Variants in TMEM38A observed in about 807,000 individuals in gnomAD.
TMEM38A encodes trimeric intracellular cation channel type A.
Under a neutral mutation model 28.6 loss-of-function variants are expected in TMEM38A, and 17 were observed. The ratio of observed to expected loss-of-function variants is 0.60; its 90% confidence interval spans 0.41 to 0.89. The LOEUF (loss-of-function observed/expected upper bound fraction) is 0.89, where lower values mean the gene tolerates loss of function less well. Ranked by LOEUF, TMEM38A falls within the 40% of genes least tolerant of loss-of-function variation. The pLI is 0.00. For synonymous variants in TMEM38A, 169 were observed against 166.1 expected, an observed-to-expected ratio of 1.02 and a Z score of -0.14; for missense variants, 328 against 393.1, an observed-to-expected ratio of 0.83 and a Z score of 1.40.
In TMEM38A at chr19:16,671,688, C is replaced by T. The variant is rs187099883; in HGVS notation, c.125-8296C>T. On this transcript the variant is annotated intron_variant, in intron 1 of 5. Transcript: ENST00000187762. Reference sequence around the variant, plus strand: ...CAAGTGATCTGCCTGCCTTGGCCTCCGAAAGTGCTGGGATTACGGGTGTGA... The same window carrying T: ...CAAGTGATCTGCCTGCCTTGGCCTCTGAAAGTGCTGGGATTACGGGTGTGA... Among the ~76,000 whole-genome samples, 38 of 152,270 alleles carry T rather than the reference C, an allele frequency of 2.5e-4. No individual in the cohort carries two copies. The South Asian group carries it at 5.6e-3, about 22-fold the overall frequency.
chr19:16,686,487 C>T, intron 5 of TMEM38A, 82 bp downstream of exon 5: 1 of 1,127,736 alleles, frequency 8.9e-7, no homozygotes, highest in Non-Finnish European at 1.3e-6. Context: ...GGAAATTGGA[C>T]ACTCCCAGCC....
rs746189021 is a variant in TMEM38A at position 16,672,446 on chromosome 19, A to ATT, written c.125-7519_125-7518dup. Among the ~76,000 whole-genome samples, 649 of 104,964 alleles carry ATT rather than the reference A, an allele frequency of 6.2e-3. 46 individuals carry two copies. Among genetic ancestry groups the ATT allele is most frequent in the African/African-American group, 0.025 (580 of 23,392 alleles). 68.9% of individuals were successfully genotyped at this position (104,964 alleles called of 152,430 possible). A position where few individuals can be genotyped will look rare whatever the true frequency, so the allele number is the denominator to read the frequency against. The stretch of plus-strand genomic sequence containing the variant: ...TAAAAAAAAATCACAAAAAAACCTC[A>ATT]TTTTTTTTTTTTTTTTTTTTGAGGC... On this transcript the variant is annotated intron_variant, in intron 1 of 5. Transcript: ENST00000187762.
At chr19:16,670,693 C>T (rs1437475322) in intron 1 of TMEM38A, among the ~76,000 whole-genome samples, 1 of 152,074 alleles carries the variant, frequency 6.6e-6, no homozygotes, top group Non-Finnish European at 1.5e-5. Context: ...AATCCCAGCA[C>T]TCTGGGAGGC....
At chr19:16,679,042 G>A (rs1244242796) in intron 1 of TMEM38A, among the ~76,000 whole-genome samples, 2 of 151,380 alleles carry the variant, frequency 1.3e-5, no homozygotes, top group Non-Finnish European at 2.9e-5. Flanking sequence ...CCAGCTACTC[G>A]GGAGTCTGAG....
intron 1 of TMEM38A, among the ~76,000 whole-genome samples, chr19:16,678,847 G>T (rs1353457896): frequency 1.3e-5 from 2 of 150,920 alleles, no homozygotes; most frequent in African/African-American, 4.9e-5. Flanking sequence ...AAGACAGCAG[G>T]TGTAAGAATA....
intron 1 of TMEM38A, among the ~76,000 whole-genome samples, chr19:16,668,139 G>A (rs1178150640): frequency 9.9e-5 from 15 of 151,988 alleles, no homozygotes; most frequent in East Asian, 9.6e-4. Context: ...AACCTGCGAG[G>A]CGGAGGTTGC....
At chr19:16,680,635 G>C (rs2086778257) in intron 3 of TMEM38A, 54 bp downstream of exon 3, 1 of 1,578,668 alleles carries the variant, frequency 6.3e-7, no homozygotes, top group Non-Finnish European at 8.7e-7. Flanking sequence ...TTTTGGTTCA[G>C]TGGTACTACC....
At chr19:16,670,862 C>A (rs973362723) in intron 1 of TMEM38A, among the ~76,000 whole-genome samples, 1 of 152,082 alleles carries the variant, frequency 6.6e-6, no homozygotes, top group African/African-American at 2.4e-5. Flanking sequence ...TCACTTGAAC[C>A]CGGGAGGTGG....
At chr19:16,686,516 C>A in intron 5 of TMEM38A, 111 bp downstream of exon 5, 1 of 847,662 alleles carries the variant, frequency 1.2e-6, no homozygotes, top group Admixed American at 1.9e-5. Context: ...CTGGGACAGG[C>A]AGCCCAGAGA....
intron 4 of TMEM38A, among the ~76,000 whole-genome samples, chr19:16,682,803 T>C (rs1369258680): frequency 6.6e-6 from 1 of 152,114 alleles, no homozygotes. Flanking sequence ...CTCTGCCAAC[T>C]GTGAAATCAC....
In TMEM38A at chr19:16,661,440, G is replaced by A; in HGVS notation, c.124+99G>A. On this transcript the variant is annotated intron_variant, in intron 1 of 5. Transcript: ENST00000187762. The surrounding 1 kb of genome is among the most constrained non-coding windows in gnomAD (Gnocchi z 6.5). ...AGGGGAAGCCCGTGCGTGGTGGAGG[G>A]AGCGAGGGACAGGTTCAAGGATTGC... 1 of 1,087,172 alleles carries A rather than the reference G, an allele frequency of 9.2e-7. No individual in the cohort carries two copies. Among genetic ancestry groups the A allele is most frequent in the African/African-American group, 1.7e-5 (1 of 60,434 alleles). 67.3% of individuals were successfully genotyped at this position (1,087,172 alleles called of 1,614,324 possible).
At chr19:16,670,008 C>T (rs370817317) in intron 1 of TMEM38A, among the ~76,000 whole-genome samples, 3 of 151,862 alleles carry the variant, frequency 2.0e-5, no homozygotes, top group South Asian at 4.2e-4. Flanking sequence ...TCGCTATTAT[C>T]GCCCAGGTTG....
chr19:16,662,523 G>A (rs1281263687), intron 1 of TMEM38A, among the ~76,000 whole-genome samples: 3 of 142,712 alleles, frequency 2.1e-5, no homozygotes, highest in South Asian at 4.4e-4. Flanking sequence ...GCGTGATCTC[G>A]GCTCACTGCA....
chr19:16,683,934 C>A (rs1360576458), intron 4 of TMEM38A, among the ~76,000 whole-genome samples: 3 of 151,332 alleles, frequency 2.0e-5, no homozygotes, highest in Non-Finnish European at 4.4e-5. Flanking sequence ...CACGCTATTG[C>A]ACTCCAGCCT....
chr19:16,669,524 A>G (rs2086717654), intron 1 of TMEM38A, among the ~76,000 whole-genome samples: 1 of 151,942 alleles, frequency 6.6e-6, no homozygotes, highest in East Asian at 1.9e-4. Flanking sequence ...AACATTTTTC[A>G]TATGCTGTTA....
At chr19:16,665,659 GT>G (rs1309663061) in intron 1 of TMEM38A, among the ~76,000 whole-genome samples, 1 of 152,104 alleles carries the variant, frequency 6.6e-6, no homozygotes, top group East Asian at 1.9e-4. Context: ...CCTAGCGATT[GT>G]AAAGATCTAT....
chr19:16,688,405 G>T lies in TMEM38A; in HGVS notation c.*34G>T. The T allele has an allele frequency of 6.8e-7, 1 of 1,467,232 alleles. No individual in the cohort carries two copies. Among genetic ancestry groups the T allele is most frequent in the South Asian group, 1.4e-5 (1 of 73,496 alleles). 90.9% of individuals were successfully genotyped at this position (1,467,232 alleles called of 1,614,324 possible). The stretch of plus-strand genomic sequence containing the variant: ...CCAAGGGGCACCGGGGAGAGGACCC[G>T]GACCCAGGACCCTCTGAGCTGGGAG... On this transcript the variant is annotated 3_prime_UTR_variant, in exon 6 of 6. Coordinates refer to ENST00000187762, the MANE Select transcript of TMEM38A (RefSeq NM_024074.4).
chr19:16,688,694 C>A lies in TMEM38A; in HGVS notation c.*323C>A. 1 of 202,468 alleles carries A rather than the reference C, an allele frequency of 4.9e-6. No individual in the cohort carries two copies. The allele number at this position is 202,468 out of a possible 1,614,324, so 12.5% of individuals were successfully genotyped here. On this transcript the variant is annotated 3_prime_UTR_variant, in exon 6 of 6. Coordinates refer to ENST00000187762, the MANE Select transcript of TMEM38A (RefSeq NM_024074.4). ...GATATTCTTAGTTGTATTTTTCCTT[C>A]TTTAAAATTGCATCTTGACCAGGCA...
At position 16,688,198 on chromosome 19, in the gene TMEM38A, T is replaced by G. The variant is rs2086809416; in HGVS notation, c.727T>G (p.Tyr243Asp). 1 of 1,521,042 alleles carries G rather than the reference T, an allele frequency of 6.6e-7. No individual in the cohort carries two copies. Among genetic ancestry groups the G allele is most frequent in the Non-Finnish European group, 8.9e-7 (1 of 1,128,882 alleles). The allele number at this position is 1,521,042 out of a possible 1,614,324, so 94.2% of individuals were successfully genotyped here. A position where few individuals can be genotyped will look rare whatever the true frequency, so the allele number is the denominator to read the frequency against. Reference protein sequence around the residue: ...HSSPFDALEGYICPVLFGSAC... With the variant: ...HSSPFDALEGDICPVLFGSAC... ...CTCCCCCTTTGATGCCCTGGAGGGC[T>G]ACATCTGCCCCGTGCTGTTTGGTTC... The change falls in exon 6 of 6, where the codon TAC becomes GAC. Residue 243 changes from tyrosine (Y) to aspartate (D), a missense_variant. Physicochemically the swap from Tyr to Asp is radical, Grantham distance 160 (BLOSUM62 -3). Transcript: ENST00000187762.
Sources: gnomAD v4.1 joint callset for allele counts (sites outside exome capture counted in the v4.1 genomes callset) on GRCh38, gnomAD v4.1.1 for gene constraint, Gnocchi (gnomAD v3.1) non-coding constraint, MANE v1.5 for transcripts, NCBI Gene and HGNC (gene_info 2026-07-23, HGNC 2026-07-21) for gene names.